The following PRKCH variants were observed in gnomAD, a reference collection of about 807,000 sequenced individuals.
The protein encoded by PRKCH is protein kinase C eta type.
A neutral mutation model predicts 82.5 loss-of-function variants in PRKCH; 28 were observed. The ratio of observed to expected loss-of-function variants is 0.34; its 90% CI spans 0.25 to 0.47. The LOEUF (loss-of-function observed/expected upper bound fraction) is 0.47. PRKCH is among the 20% of genes least tolerant of loss of function. PRKCH has a pLI of 1.00. For missense variants in PRKCH, 705 were observed against 881.8 expected, an observed-to-expected ratio of 0.80 and a Z score of 2.54; for synonymous variants, 322 against 327.4, an observed-to-expected ratio of 0.98 and a Z score of 0.18.
chr14:61,527,476 G>T (rs570898919), intron 10 of PRKCH, among the ~76,000 whole-genome samples: 6 of 152,236 alleles, frequency 3.9e-5, no homozygotes, highest in African/African-American at 1.4e-4. Flanking sequence ...CCGAAGCCCT[G>T]CTTCCTTTCC....
At chr14:61,302,606 C>G (rs1363864140) in intron 1 of PRKCH, among the ~76,000 whole-genome samples, 1 of 152,170 alleles carries the variant, frequency 6.6e-6, no homozygotes, top group African/African-American at 2.4e-5. Flanking sequence ...GCTAAAATAT[C>G]TTTTAAATTT....
intron 10 of PRKCH, 148 bp from the exon 11 acceptor site, chr14:61,528,927 C>T: frequency 1.4e-6 from 1 of 728,976 alleles, no homozygotes; most frequent in Non-Finnish European, 2.0e-6. Flanking sequence ...AAGTTTGTTC[C>T]TTTTGACGTG....
intron 12 of PRKCH, among the ~76,000 whole-genome samples, chr14:61,533,885 T>A (rs577633978): frequency 5.3e-5 from 8 of 152,246 alleles, no homozygotes; most frequent in Admixed American, 2.0e-4. Flanking sequence ...GGAGGAGGGT[T>A]CGAGATAGCA....
chr14:61,216,498 A>T (rs929538512), intron 1 of PRKCH, among the ~76,000 whole-genome samples: 23 of 152,230 alleles, frequency 1.5e-4, no homozygotes, highest in East Asian at 3.9e-4. Flanking sequence ...AAAAAAAATT[A>T]AAAAACCAGA....
At chr14:61,369,536 C>G (rs2046339865) in intron 1 of PRKCH, among the ~76,000 whole-genome samples, 2 of 152,072 alleles carry the variant, frequency 1.3e-5, no homozygotes, top group South Asian at 4.1e-4. Flanking sequence ...TACATCTTAA[C>G]TTTTCCCAGC....
intron 10 of PRKCH, chr14:61,492,212 T>C (rs1314869006): frequency 1.3e-5 from 2 of 152,252 alleles, no homozygotes; most frequent in Non-Finnish European, 2.9e-5. Context: ...AGTCAGCTGA[T>C]GACTTCAAGA....
chr14:61,520,085 A>AAG (rs1389217203), intron 10 of PRKCH, among the ~76,000 whole-genome samples: 1 of 151,972 alleles, frequency 6.6e-6, no homozygotes, highest in Non-Finnish European at 1.5e-5. Flanking sequence ...AAAAAAAAAA[A>AAG]AAAAAGAAAG....
At chr14:61,364,510 C>T (rs558876157) in intron 1 of PRKCH, among the ~76,000 whole-genome samples, 8 of 151,866 alleles carry the variant, frequency 5.3e-5, no homozygotes, top group African/African-American at 1.5e-4. Flanking sequence ...GGTGTGAGGA[C>T]GTGTGTATGT....
At chr14:61,356,429 T>G (rs1002503690) in intron 1 of PRKCH, among the ~76,000 whole-genome samples, 3 of 152,198 alleles carry the variant, frequency 2.0e-5, no homozygotes, top group Non-Finnish European at 2.9e-5. Flanking sequence ...TTTTAAGAAC[T>G]GGGATTCTCC....
intron 9 of PRKCH, among the ~76,000 whole-genome samples, chr14:61,466,618 CAG>C (rs1222561730): frequency 6.6e-6 from 1 of 152,184 alleles, no homozygotes; most frequent in Non-Finnish European, 1.5e-5. Context: ...ATTTGGAAAA[CAG>C]AAGACACTTG....
intron 9 of PRKCH, among the ~76,000 whole-genome samples, chr14:61,471,975 G>A (rs1325059821): frequency 3.3e-5 from 5 of 152,158 alleles, no homozygotes; most frequent in Non-Finnish European, 5.9e-5. Flanking sequence ...AAATATAAGC[G>A]TTATTTTTTT....
At chr14:61,387,635 C>G (rs998126126) in intron 1 of PRKCH, among the ~76,000 whole-genome samples, 9 of 152,180 alleles carry the variant, frequency 5.9e-5, no homozygotes, top group African/African-American at 2.2e-4. Flanking sequence ...TAAATGATAA[C>G]AGCCCATCAG....
At chr14:61,474,561 TG>T (rs1317113420) in intron 9 of PRKCH, among the ~76,000 whole-genome samples, 1 of 150,366 alleles carries the variant, frequency 6.7e-6, no homozygotes, top group Non-Finnish European at 1.5e-5. Flanking sequence ...TGGCAGGGGA[TG>T]GGGGGCTGGG....
intron 1 of PRKCH, among the ~76,000 whole-genome samples, chr14:61,254,202 T>C (rs577545613): frequency 5.9e-5 from 9 of 152,184 alleles, no homozygotes; most frequent in Non-Finnish European, 1.0e-4. Flanking sequence ...TTTGCTAACA[T>C]CCCAGAATGG....
intron 1 of PRKCH, among the ~76,000 whole-genome samples, chr14:61,364,888 G>A (rs1160926928): frequency 1.3e-5 from 2 of 151,896 alleles, no homozygotes; most frequent in African/African-American, 4.8e-5. Flanking sequence ...GTGTGGCTAG[G>A]AGGGACCTAA....
At chr14:61,378,572 G>T (rs765378829) in intron 1 of PRKCH, among the ~76,000 whole-genome samples, 1 of 152,120 alleles carries the variant, frequency 6.6e-6, no homozygotes, top group Non-Finnish European at 1.5e-5. Context: ...GTAATTTGTG[G>T]TGTTCCTCCC....
At chr14:61,248,748 TTATGTATG>T (rs57245411) in intron 1 of PRKCH, among the ~76,000 whole-genome samples, 3,206 of 141,922 alleles carry the variant, frequency 0.023, 125 homozygotes, top group African/African-American at 0.075. Flanking sequence ...TTCAATGGTT[TTATGTATG>T]TATGTATGTA....
chr14:61,378,230 T>A (rs865969388), intron 1 of PRKCH, among the ~76,000 whole-genome samples: 2 of 128,176 alleles, frequency 1.6e-5, no homozygotes, highest in Non-Finnish European at 3.5e-5. Flanking sequence ...TTTTCTTTTT[T>A]TTTTTTTGAG....
At chr14:61,281,335 C>T (rs2045264294) in intron 1 of PRKCH, 2 of 370,306 alleles carry the variant, frequency 5.4e-6, no homozygotes, top group East Asian at 8.7e-5. Context: ...GCCCTACGAG[C>T]AGTGCCCACA....
Sources: allele counts gnomAD v4.1 joint callset (sites outside exome capture counted in the v4.1 genomes callset), GRCh38; gene constraint gnomAD v4.1.1; transcripts MANE v1.5; gene names NCBI Gene and HGNC (gene_info 2026-07-23, HGNC 2026-07-21).